CCDC33: variants seen among roughly 807,000 people sequenced by gnomAD.
CCDC33 encodes coiled-coil domain containing 33.
A neutral mutation model predicts 91.9 loss-of-function variants in CCDC33; 94 were observed. That is an observed-to-expected ratio of 1.02 (90% confidence interval 0.87 to 1.21). CCDC33 has a LOEUF of 1.21. CCDC33 is among the 50% of genes most tolerant of loss of function. CCDC33 has a pLI of 0.00. For synonymous variants in CCDC33, 396 were observed against 374.5 expected (o/e 1.06, Z -0.66); for missense variants, 940 against 935.5 (o/e 1.00, Z -0.06).
At chr15:74,311,060 C>CATGGGGCCTCTA (rs367588827) in intron 11 of CCDC33, among the ~76,000 whole-genome samples, 1 of 152,018 alleles carries the variant, frequency 6.6e-6, no homozygotes, top group Admixed American at 6.6e-5. Flanking sequence ...CTGGACAGGG[C>CATGGGGCCTCTA]GCACGGGGCC....
chr15:74,314,507 A>T (rs1029388442), intron 11 of CCDC33, among the ~76,000 whole-genome samples: 4 of 152,190 alleles, frequency 2.6e-5, no homozygotes, highest in African/African-American at 9.7e-5. Context: ...GTTAGGGCAA[A>T]ATGCAAACAC....
rs1424008423 is a variant in CCDC33, at chr15:74,295,851, G to A, written c.1193G>A (p.Trp398Ter). The A allele has an allele frequency of 4.3e-6, 7 of 1,614,152 alleles. No homozygotes were observed. Among genetic ancestry groups the A allele is most frequent in the Non-Finnish European group, 5.9e-6 (7 of 1,180,016 alleles). Residue 398 changes from tryptophan to a stop codon, truncating the protein, a stop_gained, in exon 11 of 19, where the codon TGG becomes TAG. Transcript: ENST00000398814. LOFTEE classifies it high-confidence loss of function. ...DKKLRTIQES[W>*]SKDTVSSTMD... Reference sequence around the variant, plus strand: ...AAGCTGAGAACCATCCAAGAGTCCTGGTCCAAGGACACAGTGAGCTCCACA... The same window carrying A: ...AAGCTGAGAACCATCCAAGAGTCCTAGTCCAAGGACACAGTGAGCTCCACA...
intron 10 of CCDC33, among the ~76,000 whole-genome samples, chr15:74,286,913 C>G (rs1168903230): frequency 6.6e-6 from 1 of 152,144 alleles, no homozygotes; most frequent in African/African-American, 2.4e-5. Flanking sequence ...TCCCTCTTCC[C>G]CTCATAGGGA....
chr15:74,271,820 G>C, intron 6 of CCDC33, 26 bp downstream of exon 6: 3 of 1,596,776 alleles, frequency 1.9e-6, no homozygotes, highest in Non-Finnish European at 2.6e-6. Context: ...GTGGACCTGG[G>C]TGAGGAGGGC....
intron 2 of CCDC33, among the ~76,000 whole-genome samples, chr15:74,256,396 T>A (rs1288340055): frequency 6.7e-6 from 1 of 148,876 alleles, no homozygotes; most frequent in Non-Finnish European, 1.5e-5. Context: ...ACGTTCCTCC[T>A]GCCCTAAGGC....
At position 74,333,865 on chromosome 15, in the gene CCDC33, T is replaced by A. The variant is rs2060495135; in HGVS notation, c.1939-16T>A. On this transcript the variant is annotated splice_polypyrimidine_tract_variant and intron_variant, in intron 16 of 18. Transcript: ENST00000398814. ...CTCCAGCTGGGGCCAAATGTGAGTT[T>A]GTGCTTTGCCCACAGGATCTCCTCT... is the stretch of plus-strand genomic sequence containing the variant. The A allele has an allele frequency of 6.2e-7, 1 of 1,610,026 alleles. No individual in the cohort carries two copies. The highest frequency in any genetic ancestry group is 1.7e-5 in the Admixed American group (1 of 59,916).
chr15:74,211,403 T>C (rs1038907940), intron 2 of CCDC33, among the ~76,000 whole-genome samples: 1 of 146,378 alleles, frequency 6.8e-6, no homozygotes, highest in Non-Finnish European at 1.5e-5. Flanking sequence ...CTTTTTTTTT[T>C]TTTTTTTTTT....
intron 18 of CCDC33, 200 bp from the exon 19 acceptor site, chr15:74,335,725 G>A (rs999817914): frequency 1.1e-5 from 6 of 554,760 alleles, no homozygotes; most frequent in African/African-American, 7.5e-5. Context: ...GGCAACCTTT[G>A]CACACTCACC....
At chr15:74,334,472 G>A (rs569626527) in intron 17 of CCDC33, among the ~76,000 whole-genome samples, 9 of 144,668 alleles carry the variant, frequency 6.2e-5, no homozygotes, top group South Asian at 2.2e-4. Flanking sequence ...TTCAGTGTGC[G>A]ACCAGGGTTA....
At chr15:74,320,021 G>A (rs564928045) in intron 11 of CCDC33, among the ~76,000 whole-genome samples, 10 of 152,292 alleles carry the variant, frequency 6.6e-5, no homozygotes, top group Admixed American at 2.6e-4. Flanking sequence ...TGGGAGGGCA[G>A]CTTCTGTGGA....
intron 2 of CCDC33, chr15:74,209,692 C>A (rs968025009): frequency 1.2e-5 from 6 of 511,662 alleles, no homozygotes; most frequent in African/African-American, 3.9e-5. Context: ...CTGCATCCCC[C>A]CTCACCTGAG....
chr15:74,218,952 G>T lies in CCDC33; in HGVS notation c.675+91G>T. Reference sequence around the variant, plus strand: ...TAAGCCAGGCTACCCCCTGTCCTGAGCTGAGCTGAGCAGAGCAGCAGAGCT... The same window carrying T: ...TAAGCCAGGCTACCCCCTGTCCTGATCTGAGCTGAGCAGAGCAGCAGAGCT... On this transcript the variant is annotated intron_variant, in intron 2 of 2. Coordinates refer to the CCDC33 transcript ENST00000635913. The surrounding 1 kb of genome is among the most constrained non-coding windows in gnomAD (Gnocchi z 4.8). The T allele has an allele frequency of 8.6e-7, 1 of 1,161,360 alleles. No individual in the cohort carries two copies. Among genetic ancestry groups the T allele is most frequent in the Non-Finnish European group, 1.1e-6 (1 of 916,620 alleles). 71.9% of individuals were successfully genotyped at this position (1,161,360 alleles called of 1,614,324 possible). A position where few individuals can be genotyped will look rare whatever the true frequency, so the allele number is the denominator to read the frequency against.
chr15:74,328,405 G>GGA (rs1316769810), intron 11 of CCDC33, among the ~76,000 whole-genome samples: 3 of 152,222 alleles, frequency 2.0e-5, no homozygotes, highest in Non-Finnish European at 4.4e-5. Flanking sequence ...CTCCGTGTGA[G>GGA]GACTCTGAGG....
intron 2 of CCDC33, among the ~76,000 whole-genome samples, chr15:74,247,003 A>C (rs1451544630): frequency 1.3e-5 from 2 of 151,878 alleles, no homozygotes; most frequent in African/African-American, 4.8e-5. Flanking sequence ...AAATTAGCCG[A>C]GCGTGGTAGC....
chr15:74,225,382 C>T (rs1442012170), intron 2 of CCDC33, among the ~76,000 whole-genome samples: 5 of 152,054 alleles, frequency 3.3e-5, no homozygotes, highest in Non-Finnish European at 7.4e-5. Flanking sequence ...CCATGGAAAG[C>T]GGATGTGCCC....
upstream of CCDC33, among the ~76,000 whole-genome samples, chr15:74,215,217 C>A (rs1392402988): frequency 6.6e-6 from 1 of 152,120 alleles, no homozygotes; most frequent in Non-Finnish European, 1.5e-5. Flanking sequence ...AAAGGGCAGA[C>A]CTGGCCTGGA....
Position 74,268,551 on chromosome 15 carries a change from C to T in CCDC33, c.546+93C>T. The T allele has an allele frequency of 9.6e-6, 9 of 933,692 alleles. No homozygotes were observed. In the South Asian group the frequency reaches 1.2e-4, roughly 13 times the overall value. 57.8% of individuals were successfully genotyped at this position (933,692 alleles called of 1,614,324 possible). ...ACGCCTTGCCCTTAGCCCCCTCTGG[C>T]TGACCTGAGGGTGTGGAGCAGAGAT... On this transcript the variant is annotated intron_variant, in intron 5 of 18. Coordinates refer to ENST00000398814, the MANE Select transcript of CCDC33 (RefSeq NM_025055.5).
At chr15:74,333,101 A>C (rs1596145310) in intron 16 of CCDC33, 1 of 876,102 alleles carries the variant, frequency 1.1e-6, no homozygotes, top group East Asian at 2.6e-5. Context: ...TGGTCCCTGA[A>C]CCCTGACCCC....
rs752405716 is a variant in CCDC33, at chr15:74,218,746, G to T, written c.560G>T (p.Ser187Ile). ...CGACACTGTGGGAGCCTGGCCTACA[G>T]TGTGGCCTTCCACGTCCACCGGGGC... Residue 187 changes from serine to isoleucine, a missense_variant, in exon 2 of 3, where the codon AGT becomes ATT. Ser to Ile is a moderately radical substitution (Grantham distance 142, BLOSUM62 -2). Transcript: ENST00000635913. This position sits in a 1 kb window ranked among gnomAD's most constrained non-coding sequence, Gnocchi z 4.8. The T allele has an allele frequency of 7.8e-7, 1 of 1,289,778 alleles. No individual in the cohort carries two copies. Among genetic ancestry groups the T allele is most frequent in the South Asian group, 1.2e-5 (1 of 81,018 alleles). 79.9% of individuals were successfully genotyped at this position (1,289,778 alleles called of 1,614,324 possible).
Sources: gnomAD v4.1 joint callset for allele counts (sites outside exome capture counted in the v4.1 genomes callset) on GRCh38, gnomAD v4.1.1 for gene constraint, Gnocchi (gnomAD v3.1) non-coding constraint, MANE v1.5 for transcripts, NCBI Gene and HGNC (gene_info 2026-07-23, HGNC 2026-07-21) for gene names.